The following TRPC6 variants were observed in gnomAD, a reference collection of about 807,000 sequenced individuals.
The protein encoded by TRPC6 is short transient receptor potential channel 6.
TRPC6 carries 55 observed loss-of-function variants against 90.7 expected under a neutral mutation model. The observed-to-expected ratio is 0.61, with a 90% CI of 0.49 to 0.76. TRPC6 has a LOEUF of 0.76. Among genes scored for constraint, TRPC6 ranks in the 30% least tolerant of loss-of-function variants. The pLI is 0.00. For synonymous variants in TRPC6, 393 were observed against 393.0 expected (o/e 1.00, Z 0.00); for missense variants, 989 against 1,122.7 (o/e 0.88, Z 1.70).
At chr11:101,481,814 C>T (rs1859559131) in intron 5 of TRPC6, among the ~76,000 whole-genome samples, 1 of 152,172 alleles carries the variant, frequency 6.6e-6, no homozygotes, top group African/African-American at 2.4e-5. Context: ...CAGATCAAAT[C>T]ACCAATTGCT....
intron 1 of TRPC6, among the ~76,000 whole-genome samples, chr11:101,534,643 A>G (rs1465936851): frequency 1.3e-5 from 2 of 152,190 alleles, no homozygotes; most frequent in Non-Finnish European, 2.9e-5. Context: ...AACTCCATAT[A>G]TTCCTAATTA....
chr11:101,469,068 G>T (rs531409234), intron 10 of TRPC6, among the ~76,000 whole-genome samples: 13 of 152,124 alleles, frequency 8.5e-5, no homozygotes, highest in Non-Finnish European at 1.9e-4. Context: ...CAAATTAGGA[G>T]GCACTGGGGA....
At chr11:101,500,802 C>T (rs568406739) in intron 2 of TRPC6, among the ~76,000 whole-genome samples, 2 of 152,060 alleles carry the variant, frequency 1.3e-5, no homozygotes, top group East Asian at 3.9e-4. Context: ...AATATAACCT[C>T]AAGGAGTAAA....
chr11:101,488,661 G>T (rs1565213791), intron 4 of TRPC6, among the ~76,000 whole-genome samples: 1 of 152,142 alleles, frequency 6.6e-6, no homozygotes, highest in Non-Finnish European at 1.5e-5. Context: ...TATAGTTACT[G>T]AGTATCCTTT....
intron 3 of TRPC6, among the ~76,000 whole-genome samples, chr11:101,489,872 T>G (rs1007814257): frequency 6.6e-6 from 1 of 151,918 alleles, no homozygotes; most frequent in African/African-American, 2.4e-5. Flanking sequence ...GAGAGATAGG[T>G]AGAAAAGGAG....
intron 1 of TRPC6, among the ~76,000 whole-genome samples, chr11:101,523,679 G>A (rs1427857154): frequency 6.6e-6 from 1 of 152,110 alleles, no homozygotes; most frequent in Non-Finnish European, 1.5e-5. Flanking sequence ...ATTGTTAGCT[G>A]AAATTGAATA....
chr11:101,470,371 T>A (rs1859259710), intron 9 of TRPC6, among the ~76,000 whole-genome samples: 1 of 152,226 alleles, frequency 6.6e-6, no homozygotes, highest in Non-Finnish European at 1.5e-5. Context: ...ATCTTCCTTT[T>A]TCAGAAGAAA....
intron 1 of TRPC6, among the ~76,000 whole-genome samples, chr11:101,544,650 C>T (rs1372480576): frequency 1.3e-5 from 2 of 151,776 alleles, no homozygotes; most frequent in Non-Finnish European, 1.5e-5. Flanking sequence ...AAACACCACA[C>T]GTTCTCACTC....
chr11:101,478,415 G>A (rs1273419943), intron 5 of TRPC6, among the ~76,000 whole-genome samples: 1 of 152,112 alleles, frequency 6.6e-6, no homozygotes, highest in East Asian at 1.9e-4. Context: ...ATGGTTCAGA[G>A]TAACAAGCAT....
At chr11:101,568,265 T>C (rs1399008592) in intron 1 of TRPC6, among the ~76,000 whole-genome samples, 3 of 151,820 alleles carry the variant, frequency 2.0e-5, no homozygotes, top group Non-Finnish European at 4.4e-5. Context: ...TGGAAGAAAC[T>C]GTATCAGAAG....
chr11:101,559,364 A>G (rs1037345564), intron 1 of TRPC6, among the ~76,000 whole-genome samples: 9 of 152,200 alleles, frequency 5.9e-5, no homozygotes, highest in Non-Finnish European at 1.0e-4. Context: ...AAATTAGACA[A>G]TTATAAATTG....
Position 101,563,707 on chromosome 11 carries a change from G to A in TRPC6, c.170+19627C>T, listed in dbSNP as rs568470960. ...GGGGCTGGAGGGAGAAGAAAAGAGA[G>A]GGGCAGGATGGGAGGAGACACTGTG... On this transcript the variant is annotated intron_variant, in intron 1 of 12. Transcript: ENST00000344327. Among the ~76,000 whole-genome samples, 3 of 152,202 alleles carry A rather than the reference G, an allele frequency of 2.0e-5. No individual in the cohort carries two copies. The South Asian group carries it at 6.2e-4, about 32-fold the overall frequency.
chr11:101,534,800 A>G (rs531178485), intron 1 of TRPC6, among the ~76,000 whole-genome samples: 1 of 152,308 alleles, frequency 6.6e-6, no homozygotes, highest in South Asian at 2.1e-4. Context: ...TAAAAGGTTT[A>G]TTAGGAGATT....
chr11:101,518,465 A>G (rs1860573949), intron 1 of TRPC6, among the ~76,000 whole-genome samples: 1 of 152,252 alleles, frequency 6.6e-6, no homozygotes, highest in Non-Finnish European at 1.5e-5. Flanking sequence ...ATTGATCATC[A>G]GAGAAATGCC....
chr11:101,546,976 T>A (rs1861320330), intron 1 of TRPC6, among the ~76,000 whole-genome samples: 1 of 152,154 alleles, frequency 6.6e-6, no homozygotes, highest in Non-Finnish European at 1.5e-5. Flanking sequence ...ATCATCCACT[T>A]ATAGAAAGTT....
rs1028239385 is a variant in TRPC6 at position 101,476,494 on chromosome 11, G to T, written c.1551C>A (p.Gly517=). The part of the protein sequence containing the change: ...WAECKEIWTQ[G]PKEYLFELWN... ...ACAACTCAAACAAATATTCCTTGGG[G>T]CCCTGAGTCCAGATTTCTTTACATT... The change falls in exon 6 of 13, where the codon GGC becomes GGA. Residue 517 remains glycine, a synonymous_variant. Coordinates refer to ENST00000344327, the MANE Select transcript of TRPC6 (RefSeq NM_004621.6). 1.1e-5 allele frequency: 17 copies of T among 1,613,894 alleles called. No individual in the cohort carries two copies. The African/African-American group carries it at 1.6e-4, about 15-fold the overall frequency.
chr11:101,485,088 C>T (rs558002628), intron 4 of TRPC6, among the ~76,000 whole-genome samples: 24 of 149,476 alleles, frequency 1.6e-4, no homozygotes, highest in Non-Finnish European at 3.4e-4. Flanking sequence ...TTGTTAAATC[C>T]GGGGATGCAG....
At chr11:101,506,760 A>G (rs1860278071) in intron 1 of TRPC6, among the ~76,000 whole-genome samples, 3 of 152,146 alleles carry the variant, frequency 2.0e-5, no homozygotes, top group Middle Eastern at 6.8e-3. Context: ...TCCCATAGCT[A>G]TTACTTTGTT....
chr11:101,538,632 C>T (rs1861105829), intron 1 of TRPC6, among the ~76,000 whole-genome samples: 1 of 152,182 alleles, frequency 6.6e-6, no homozygotes, highest in South Asian at 2.1e-4. Flanking sequence ...TCCATGTAAA[C>T]TCAATCTAAT....
Sources: allele counts gnomAD v4.1 joint callset (sites outside exome capture counted in the v4.1 genomes callset), GRCh38; gene constraint gnomAD v4.1.1; transcripts MANE v1.5; gene names NCBI Gene and HGNC (gene_info 2026-07-23, HGNC 2026-07-21).